Variants in CABYR observed in about 807,000 individuals in gnomAD.
CABYR encodes calcium binding tyrosine phosphorylation regulated.
Under a neutral mutation model 36.1 loss-of-function variants are expected in CABYR, and 31 were observed. The ratio of observed to expected loss-of-function variants is 0.86; its 90% CI spans 0.64 to 1.16. The LOEUF (loss-of-function observed/expected upper bound fraction) is 1.16, where lower values mean the gene tolerates loss of function less well. Ranked by LOEUF, CABYR falls within the 50% of genes most tolerant of loss-of-function variation. The pLI is 0.00. For missense variants in CABYR, 429 were observed against 455.8 expected, an observed-to-expected ratio of 0.94 and a Z score of 0.53; for synonymous variants, 146 against 160.7, an observed-to-expected ratio of 0.91 and a Z score of 0.69.
intron 3 of CABYR, among the ~76,000 whole-genome samples, chr18:24,149,403 A>T (rs183366958): frequency 7.2e-5 from 11 of 152,116 alleles, no homozygotes; most frequent in African/African-American, 2.2e-4. Context: ...CTAGATAGAG[A>T]GTGCCGATTG....
At chr18:24,158,201 T>G (rs938249803) in intron 4 of CABYR, among the ~76,000 whole-genome samples, 2 of 152,058 alleles carry the variant, frequency 1.3e-5, no homozygotes, top group Non-Finnish European at 2.9e-5. Context: ...TCTCTCCCTG[T>G]GAGACAGCTG....
In CABYR at chr18:24,159,650, A is replaced by G; in HGVS notation, c.720A>G (p.Pro240=). The G allele has an allele frequency of 1.2e-6, 2 of 1,614,048 alleles. No homozygotes were observed. Among genetic ancestry groups the G allele is most frequent in the Middle Eastern group, 1.7e-4 (1 of 6,058 alleles). Reference sequence around the variant, plus strand: ...ATCCACAGTTTCAGCAGCATCCACCAAAAGTCACTTTTCCAACTTATGTGA... The same window carrying G: ...ATCCACAGTTTCAGCAGCATCCACCGAAAGTCACTTTTCCAACTTATGTGA... The part of the protein sequence containing the change: ...PKDPQFQQHP[P]KVTFPTYVMG... Residue 240 remains proline, a synonymous_variant, in exon 5 of 6, where the codon CCA becomes CCG. Transcript: ENST00000399496.
At position 24,159,580 on chromosome 18, in the gene CABYR, C is replaced by T; in HGVS notation, c.650C>T (p.Pro217Leu). Reference protein sequence around the residue: ...QQGHPSPPPAPGPFPQATLYL... With the variant: ...QQGHPSPPPALGPFPQATLYL... The stretch of plus-strand genomic sequence containing the variant: ...GGTCACCCATCACCGCCACCTGCAC[C>T]TGGGCCTTTTCCCCAAGCAACCCTC... The change falls in exon 5 of 6, where the codon CCT (proline) becomes CTT (leucine). Residue 217 changes from proline to leucine, a missense_variant. Pro to Leu is a moderately conservative substitution (Grantham distance 98). Transcript: ENST00000399496. 6.2e-7 allele frequency: 1 copy of T among 1,614,072 alleles called. No individual in the cohort carries two copies. Among genetic ancestry groups the T allele is most frequent in the Non-Finnish European group, 8.5e-7 (1 of 1,180,010 alleles).
chr18:24,153,113 A>C (rs543826136), intron 3 of CABYR, among the ~76,000 whole-genome samples: 30 of 152,148 alleles, frequency 2.0e-4, no homozygotes, highest in Admixed American at 1.9e-3. Context: ...CTCTCTCCAA[A>C]TTCTTGCCCC....
intron 3 of CABYR, among the ~76,000 whole-genome samples, chr18:24,144,862 T>C (rs139056352): frequency 2.2e-3 from 337 of 152,354 alleles, no homozygotes; most frequent in Middle Eastern, 0.017. Flanking sequence ...ACAAGCATTT[T>C]AATGCAAGAT....
rs533200729 is a variant in CABYR at position 24,155,283 on chromosome 18, C to T, written c.200-418C>T. On this transcript the variant is annotated intron_variant, in intron 3 of 5. Coordinates refer to ENST00000399496, the MANE Select transcript of CABYR (RefSeq NM_153769.3). ...AGTTATGATCTTTCCCTGATGCTGA[C>T]CACCTTAGGATGATATCTGATTATT... is the stretch of plus-strand genomic sequence containing the variant. Among the ~76,000 whole-genome samples the T allele has an allele frequency of 4.6e-5, 7 of 152,230 alleles. No homozygotes were observed. In the South Asian group the frequency reaches 1.5e-3, roughly 32 times the overall value.
rs2085896147 is a variant in CABYR, at chr18:24,159,709, T to TTATC, written c.781_784dup (p.Leu262TyrfsTer43). 1 of 1,613,976 alleles carries TTATC rather than the reference T, an allele frequency of 6.2e-7. No homozygotes were observed. Among genetic ancestry groups the TTATC allele is most frequent in the African/African-American group, 1.3e-5 (1 of 74,952 alleles). ...ACCAAGAAGACCAGTGCCCCACCTT[T>TTATC]TATCTTAGTAGGCTCAAATGTTCAG... On this transcript the variant is annotated frameshift_variant, in exon 5 of 6. Coordinates refer to ENST00000399496, the MANE Select transcript of CABYR (RefSeq NM_153769.3). LOFTEE classifies it high-confidence loss of function.
intron 3 of CABYR, among the ~76,000 whole-genome samples, chr18:24,150,898 G>A (rs1181879886): frequency 6.6e-6 from 1 of 151,342 alleles, no homozygotes; most frequent in African/African-American, 2.4e-5. Flanking sequence ...TCCTGCCTCA[G>A]CCTCCCGAAT....
At chr18:24,160,170 G>A (rs901925409) in intron 5 of CABYR, 101 bp downstream of exon 5, 3 of 886,626 alleles carry the variant, frequency 3.4e-6, no homozygotes, top group African/African-American at 3.4e-5. Context: ...AAAACAATTT[G>A]AGATAATAAG....
At chr18:24,145,801 A>G (rs1471255852) in intron 3 of CABYR, among the ~76,000 whole-genome samples, 2 of 152,216 alleles carry the variant, frequency 1.3e-5, no homozygotes, top group East Asian at 1.9e-4. Context: ...GAAAGGTCAT[A>G]AACTATGAAT....
Position 24,143,194 on chromosome 18 carries a change from A to G in CABYR, c.80A>G (p.Lys27Arg), listed in dbSNP as rs2085370970. 1 of 1,614,114 alleles carries G rather than the reference A, an allele frequency of 6.2e-7. No homozygotes were observed. The highest frequency in any genetic ancestry group is 2.2e-5 in the East Asian group (1 of 44,880). ...LLEGISRAVLKTNPSNINQFA... is the reference protein window; with the variant it reads ...LLEGISRAVLRTNPSNINQFA... ...GAGGGAATTAGCAGAGCTGTTCTCA[A>G]AACCAACCCATCAAACATCAACCAG... The change falls in exon 2 of 6, where the codon AAA (lysine) becomes AGA (arginine). Residue 27 changes from lysine (K) to arginine (R), a missense_variant. Coordinates refer to ENST00000399496, the MANE Select transcript of CABYR (RefSeq NM_153769.3).
intron 2 of CABYR, 43 bp downstream of exon 2, chr18:24,143,302 C>T: frequency 6.2e-7 from 1 of 1,600,514 alleles, no homozygotes. Flanking sequence ...AAAAAGAAAA[C>T]ATTTTAAGTT....
intron 3 of CABYR, among the ~76,000 whole-genome samples, chr18:24,150,385 C>CTTAT (rs2085588643): frequency 6.6e-6 from 1 of 152,188 alleles, no homozygotes; most frequent in Non-Finnish European, 1.5e-5. Flanking sequence ...ACACGTTTTC[C>CTTAT]TTATTTCTAA....
chr18:24,161,028 A>G (rs1244520100), intron 5 of CABYR, among the ~76,000 whole-genome samples: 1 of 152,190 alleles, frequency 6.6e-6, no homozygotes, highest in Non-Finnish European at 1.5e-5. Context: ...TAAGCAGAAG[A>G]ATGACTGATT....
intron 3 of CABYR, among the ~76,000 whole-genome samples, chr18:24,147,211 C>T (rs2085480528): frequency 6.7e-6 from 1 of 148,358 alleles, no homozygotes; most frequent in Non-Finnish European, 1.5e-5. Context: ...TGTGATCACA[C>T]CACTGCACTT....
intron 3 of CABYR, among the ~76,000 whole-genome samples, chr18:24,153,205 G>A (rs2085683676): frequency 6.6e-6 from 1 of 151,876 alleles, no homozygotes; most frequent in African/African-American, 2.4e-5. Context: ...GTTGTTCTGG[G>A]CCTGCCTTAG....
At chr18:24,157,659 C>T (rs2085827045) in intron 4 of CABYR, among the ~76,000 whole-genome samples, 1 of 152,186 alleles carries the variant, frequency 6.6e-6, no homozygotes, top group Admixed American at 6.5e-5. Flanking sequence ...ATGCAGTTCA[C>T]GTAATTGGCT....
intron 3 of CABYR, among the ~76,000 whole-genome samples, chr18:24,150,982 T>C (rs1462426971): frequency 2.0e-5 from 3 of 152,154 alleles, no homozygotes; most frequent in Non-Finnish European, 4.4e-5. Flanking sequence ...GGTTTCACCG[T>C]GTTAGCCAGG....
rs2085987650 is a variant in CABYR at position 24,161,501 on chromosome 18, C to T, written c.*-15C>T. ...TTAACTTTAAACAATTCAATGTTTG[C>T]ATTATTCCTAACAGATCCAGAAATG... On this transcript the variant is annotated splice_polypyrimidine_tract_variant and intron_variant, in intron 5 of 5. Transcript: ENST00000399496. 2.6e-6 allele frequency: 2 copies of T among 780,104 alleles called. No individual in the cohort carries two copies. The allele number at this position is 780,104 out of a possible 1,614,324, so 48.3% of individuals were successfully genotyped here. A position where few individuals can be genotyped will look rare whatever the true frequency, so the allele number is the denominator to read the frequency against.
Sources: gnomAD v4.1 joint callset for allele counts (sites outside exome capture counted in the v4.1 genomes callset) on GRCh38, gnomAD v4.1.1 for gene constraint, MANE v1.5 for transcripts, NCBI Gene and HGNC (gene_info 2026-07-23, HGNC 2026-07-21) for gene names.